Variants in VWA5B1 observed in about 807,000 individuals in gnomAD.
The protein encoded by VWA5B1 is von Willebrand factor A domain-containing protein 5B1.
Under a neutral mutation model 118.2 loss-of-function variants are expected in VWA5B1, and 115 were observed. The observed-to-expected ratio is 0.97, with a 90% CI of 0.84 to 1.14. The LOEUF (loss-of-function observed/expected upper bound fraction) is 1.14, where lower values mean the gene tolerates loss of function less well. VWA5B1 is among the 50% of genes most tolerant of loss of function. The pLI is 0.00. For synonymous variants in VWA5B1, 682 were observed against 658.4 expected (o/e 1.04, Z -0.55); for missense variants, 1,596 against 1,603.8 (o/e 1.00, Z 0.08).
At chr1:20,308,121 C>T (rs1363755235) in intron 1 of VWA5B1, among the ~76,000 whole-genome samples, 2 of 152,126 alleles carry the variant, frequency 1.3e-5, no homozygotes, top group Non-Finnish European at 2.9e-5. Flanking sequence ...CAAGTGAGAA[C>T]ATGGGGTTTT....
At chr1:20,347,534 G>A (rs760715535) in intron 17 of VWA5B1, among the ~76,000 whole-genome samples, 1 of 151,970 alleles carries the variant, frequency 6.6e-6, no homozygotes, top group Non-Finnish European at 1.5e-5. Context: ...CTAACTCTTG[G>A]ACTCAAGTGA....
At chr1:20,339,337 T>G (rs1341510325) in intron 14 of VWA5B1, 1 of 151,702 alleles carries the variant, frequency 6.6e-6, no homozygotes, top group African/African-American at 2.4e-5. Flanking sequence ...AGCCCAGGAG[T>G]TCCAGACCAG....
intron 7 of VWA5B1, among the ~76,000 whole-genome samples, chr1:20,322,769 T>A (rs958489812): frequency 1.3e-5 from 2 of 152,130 alleles, no homozygotes; most frequent in African/African-American, 4.8e-5. Flanking sequence ...AACGACTCAG[T>A]GAGGTATGTC....
intron 5 of VWA5B1, 128 bp downstream of exon 5, chr1:20,317,803 C>T (rs1357028910): frequency 1.7e-6 from 2 of 1,200,482 alleles, no homozygotes; most frequent in Admixed American, 3.0e-5. Flanking sequence ...GTACACAAAG[C>T]CTGTGGACCC....
At position 20,320,207 on chromosome 1, in the gene VWA5B1, C is replaced by A. The variant is rs561687616; in HGVS notation, c.966+701C>A. 7.2e-5 allele frequency among the ~76,000 whole-genome samples: 11 copies of A among 152,326 alleles called. No homozygotes were observed. In the East Asian group the frequency reaches 2.1e-3, roughly 29 times the overall value. On this transcript the variant is annotated intron_variant, in intron 7 of 21. Coordinates refer to ENST00000289815, the MANE Select transcript of VWA5B1 (RefSeq NM_001039500.3). ...TTTAGATGAGAAAACTGAGATCTGG[C>A]ACCCAAAGATCACCAGTAAGCTGGA...
intron 1 of VWA5B1, among the ~76,000 whole-genome samples, chr1:20,292,594 C>T (rs2088333008): frequency 6.6e-6 from 1 of 151,934 alleles, no homozygotes. Context: ...TGGGGGACAC[C>T]CTGTGTTTGC....
chr1:20,318,362 G>C (rs888477635), intron 5 of VWA5B1: 1 of 616,684 alleles, frequency 1.6e-6, no homozygotes, highest in African/African-American at 1.8e-5. Context: ...ACCCCCACTA[G>C]ATCCTGAGTT....
rs1328699406 is a variant in VWA5B1, at chr1:20,321,095, T to C, written c.966+1589T>C. ...GCACACCACGCGTGAGACACAGAGA[T>C]GCCAAGAGTAACAGAGGCAAAAAAA... is the stretch of plus-strand genomic sequence containing the variant. On this transcript the variant is annotated intron_variant, in intron 7 of 21. Transcript: ENST00000289815. Among the ~76,000 whole-genome samples, 5 of 114,186 alleles carry C rather than the reference T, an allele frequency of 4.4e-5. No homozygotes were observed. In the Middle Eastern group the frequency reaches 0.019, roughly 428 times the overall value. 74.9% of individuals were successfully genotyped at this position (114,186 alleles called of 152,430 possible). A position where few individuals can be genotyped will look rare whatever the true frequency, so the allele number is the denominator to read the frequency against.
chr1:20,323,651 TAAAC>T (rs1275841406), intron 8 of VWA5B1, 119 bp downstream of exon 8: 1 of 1,088,826 alleles, frequency 9.2e-7, no homozygotes, highest in Non-Finnish European at 1.2e-6. Flanking sequence ...AAAATCAGTT[TAAAC>T]AGAGATACCC....
intron 1 of VWA5B1, among the ~76,000 whole-genome samples, chr1:20,300,279 CG>C (rs2088480800): frequency 6.6e-6 from 1 of 152,120 alleles, no homozygotes; most frequent in Non-Finnish European, 1.5e-5. Flanking sequence ...TTCAACTGGG[CG>C]GGGTGCATGA....
At chr1:20,325,314 G>A (rs947741599) in intron 8 of VWA5B1, among the ~76,000 whole-genome samples, 4 of 152,228 alleles carry the variant, frequency 2.6e-5, no homozygotes, top group Non-Finnish European at 5.9e-5. Flanking sequence ...TTCTGCCACC[G>A]ATTTGCTCTG....
intron 7 of VWA5B1, among the ~76,000 whole-genome samples, chr1:20,322,080 C>T (rs932360953): frequency 6.6e-6 from 1 of 152,156 alleles, no homozygotes; most frequent in Non-Finnish European, 1.5e-5. Context: ...TGAACACGGG[C>T]AGTAGCAGTG....
intron 9 of VWA5B1, 100 bp from the exon 10 acceptor site, chr1:20,330,080 G>A: frequency 7.4e-7 from 1 of 1,351,230 alleles, no homozygotes; most frequent in Non-Finnish European, 1.0e-6. Context: ...CAACTCTGGT[G>A]AGGCTAAAAG....
At chr1:20,351,497 C>G (rs2090129007) in intron 20 of VWA5B1, among the ~76,000 whole-genome samples, 1 of 151,940 alleles carries the variant, frequency 6.6e-6, no homozygotes, top group Non-Finnish European at 1.5e-5. Flanking sequence ...ACTAAAAATG[C>G]AAAAATTAGC....
intron 1 of VWA5B1, among the ~76,000 whole-genome samples, chr1:20,298,948 G>T (rs541067909): frequency 7.2e-5 from 11 of 152,264 alleles, no homozygotes; most frequent in Admixed American, 1.3e-4. Context: ...AATGGAAGTG[G>T]CCGGAGTTCA....
intron 1 of VWA5B1, 129 bp from the exon 2 acceptor site, chr1:20,310,447 C>A: frequency 1.1e-6 from 1 of 923,490 alleles, no homozygotes; most frequent in Non-Finnish European, 1.5e-6. Flanking sequence ...TTCCCAGGAA[C>A]TGGGAAGTTC....
rs1491304708 is a variant in VWA5B1, at chr1:20,291,358, T to TC, written c.-27+270_-27+271insC. Among the ~76,000 whole-genome samples the TC allele has an allele frequency of 7.2e-3, 893 of 123,642 alleles. 4 individuals carry two copies. The highest frequency in any genetic ancestry group is 0.014 in the East Asian group (59 of 4,226). The allele number at this position is 123,642 out of a possible 152,430, so 81.1% of individuals were successfully genotyped here. On this transcript the variant is annotated intron_variant, in intron 1 of 21. Transcript: ENST00000289815. ...CTCTCTCTCTTTCTTTCTTTCTTTC[T>TC]TTCTCTCTCTCTCTCTCTCTCTCTC...
chr1:20,342,446 TG>T lies in VWA5B1; in HGVS notation c.2150del (p.Gly717ValfsTer4). ...QIDLQPLLNS[G>X]QDLNQGPKLR... is the part of the protein sequence containing the mutation. Reference sequence around the variant, plus strand: ...TCCATCCCTAGCCCTTGCTGAACAGTGGTCAGGACCTGAACCAGGGCCCCAA... The same window carrying T: ...TCCATCCCTAGCCCTTGCTGAACAGTGTCAGGACCTGAACCAGGGCCCCAA... On this transcript the variant is annotated frameshift_variant, in exon 15 of 22. Coordinates refer to ENST00000289815, the MANE Select transcript of VWA5B1 (RefSeq NM_001039500.3). LOFTEE classifies it high-confidence loss of function. 2 of 1,551,028 alleles carry T rather than the reference TG, an allele frequency of 1.3e-6. No individual in the cohort carries two copies. The highest frequency in any genetic ancestry group is 1.7e-6 in the Non-Finnish European group (2 of 1,146,870).
chr1:20,295,423 C>T (rs2088385491), intron 1 of VWA5B1, among the ~76,000 whole-genome samples: 1 of 152,158 alleles, frequency 6.6e-6, no homozygotes, highest in South Asian at 2.1e-4. Flanking sequence ...CTCAGGAAGA[C>T]AAATTAACAA....
Sources: allele counts gnomAD v4.1 joint callset (sites outside exome capture counted in the v4.1 genomes callset), GRCh38; gene constraint gnomAD v4.1.1; transcripts MANE v1.5; gene names NCBI Gene and HGNC (gene_info 2026-07-23, HGNC 2026-07-21).